Variants in SLC20A2 observed in about 807,000 individuals in gnomAD.
The protein encoded by SLC20A2 is solute carrier family 20 member 2, also known as sodium-dependent phosphate transporter 2.
In SLC20A2, 30 loss-of-function variants were observed where a neutral mutation model predicts 61.0. The observed-to-expected ratio is 0.49, with a 90% CI of 0.37 to 0.67. The LOEUF (loss-of-function observed/expected upper bound fraction) is 0.67, where lower values mean the gene tolerates loss of function less well. SLC20A2 is among the 30% of genes least tolerant of loss of function. The pLI is 0.00. For missense variants in SLC20A2, 626 were observed against 866.4 expected (o/e 0.72, Z 3.48); for synonymous variants, 351 against 353.3 (o/e 0.99, Z 0.07).
chr8:42,441,428 A>G (rs745825884), intron 6 of SLC20A2, among the ~76,000 whole-genome samples: 12 of 151,946 alleles, frequency 7.9e-5, no homozygotes, highest in South Asian at 4.2e-4. Context: ...CTGGGATTAC[A>G]GGCATGAGTC....
chr8:42,530,077 AGTAT>A (rs1305166338), intron 1 of SLC20A2, among the ~76,000 whole-genome samples: 1 of 152,144 alleles, frequency 6.6e-6, no homozygotes, highest in Non-Finnish European at 1.5e-5. Flanking sequence ...TCATGCAATG[AGTAT>A]GTGATTTTTT....
chr8:42,495,754 T>C (rs891744777), intron 1 of SLC20A2, among the ~76,000 whole-genome samples: 25 of 145,282 alleles, frequency 1.7e-4, no homozygotes, highest in South Asian at 4.4e-4. Flanking sequence ...CCCTCCCCCT[T>C]TTTTTTTTTT....
chr8:42,420,547 T>C (rs916456275), intron 10 of SLC20A2, among the ~76,000 whole-genome samples: 11 of 152,220 alleles, frequency 7.2e-5, no homozygotes, highest in Admixed American at 4.6e-4. Flanking sequence ...TCTAATTTTG[T>C]TTTTCTAGAC....
intron 2 of SLC20A2, 80 bp from the exon 3 acceptor site, chr8:42,465,997 C>A: frequency 8.0e-7 from 1 of 1,253,112 alleles, no homozygotes; most frequent in East Asian, 2.6e-5. Context: ...AAATGTTTTC[C>A]ATAACAACAT....
At position 42,477,464 on chromosome 8, in the gene SLC20A2, CTTTTTTTTTTTT is replaced by C. The variant is rs56302974; in HGVS notation, c.-264-4822_-264-4811del. ...TGACACATGTTGTGAGGGACAGGGA[CTTTTTTTTTTTT>C]TTTTTTTTTTTTGAGACCGAGTCTT... On this transcript the variant is annotated intron_variant, in intron 1 of 10. Transcript: ENST00000520262. Among the ~76,000 whole-genome samples, 224 of 50,324 alleles carry C rather than the reference CTTTTTTTTTTTT, an allele frequency of 4.5e-3. 1 individual carries two copies. Among genetic ancestry groups the C allele is most frequent in the Middle Eastern group, 0.016 (1 of 62 alleles). 33.0% of individuals were successfully genotyped at this position (50,324 alleles called of 152,430 possible).
intron 1 of SLC20A2, among the ~76,000 whole-genome samples, chr8:42,481,571 C>G (rs1808554300): frequency 1.3e-5 from 2 of 152,152 alleles, no homozygotes. Context: ...GGCTCTCACC[C>G]TTCAAAATTG....
chr8:42,516,438 C>T (rs1240381691), intron 1 of SLC20A2, among the ~76,000 whole-genome samples: 1 of 152,216 alleles, frequency 6.6e-6, no homozygotes, highest in Non-Finnish European at 1.5e-5. Context: ...GGAGCTCAGA[C>T]TTGTCCATGG....
intron 1 of SLC20A2, among the ~76,000 whole-genome samples, chr8:42,539,461 A>G (rs1322978812): frequency 6.6e-6 from 1 of 152,252 alleles, no homozygotes; most frequent in South Asian, 2.1e-4. Context: ...TACTGGACTC[A>G]ATACTAAGCA....
At chr8:42,512,327 C>A (rs552231315) in intron 1 of SLC20A2, among the ~76,000 whole-genome samples, 4 of 149,550 alleles carry the variant, frequency 2.7e-5, no homozygotes, top group Non-Finnish European at 5.9e-5. Context: ...GATTTCTTTA[C>A]GGCTTAAAAA....
intron 10 of SLC20A2, among the ~76,000 whole-genome samples, chr8:42,420,146 A>G (rs1299398906): frequency 6.6e-6 from 1 of 151,870 alleles, no homozygotes; most frequent in East Asian, 1.9e-4. Flanking sequence ...AGATGGCACC[A>G]CTGCACTCCA....
chr8:42,478,154 G>A (rs1808279048), intron 1 of SLC20A2, among the ~76,000 whole-genome samples: 2 of 151,370 alleles, frequency 1.3e-5, no homozygotes, highest in Non-Finnish European at 2.9e-5. Context: ...AAAGTGCTGG[G>A]ATCACAGGTG....
intron 5 of SLC20A2, among the ~76,000 whole-genome samples, chr8:42,454,679 C>T (rs1410611939): frequency 4.6e-5 from 7 of 151,298 alleles, no homozygotes; most frequent in Non-Finnish European, 7.4e-5. Flanking sequence ...TGCAGGGCCA[C>T]GATCATAGTT....
intron 6 of SLC20A2, among the ~76,000 whole-genome samples, chr8:42,440,634 A>G (rs1804700248): frequency 6.6e-6 from 1 of 152,172 alleles, no homozygotes; most frequent in African/African-American, 2.4e-5. Flanking sequence ...GGAAATATCT[A>G]GGAGTGGTTA....
chr8:42,427,018 T>C (rs1464285986), intron 10 of SLC20A2, among the ~76,000 whole-genome samples: 1 of 152,248 alleles, frequency 6.6e-6, no homozygotes, highest in Non-Finnish European at 1.5e-5. Flanking sequence ...GAATATGTGC[T>C]TCTCTGGTAA....
At position 42,488,947 on chromosome 8, in the gene SLC20A2, T is replaced by G. The variant is rs542006196; in HGVS notation, c.-265+12084A>C. On this transcript the variant is annotated intron_variant, in intron 1 of 10. Coordinates refer to ENST00000520262, the MANE Select transcript of SLC20A2 (RefSeq NM_001257180.2). ...TTATAGGAGTTTTGTTTTTTTTTTTTTTTTTTTTTTGAAATGGAGTCTTGC... is the reference window on the plus strand; with the variant it reads ...TTATAGGAGTTTTGTTTTTTTTTTTGTTTTTTTTTTGAAATGGAGTCTTGC... Among the ~76,000 whole-genome samples, 57 of 144,682 alleles carry G rather than the reference T, an allele frequency of 3.9e-4. 1 individual carries two copies. The highest frequency in any genetic ancestry group is 1.4e-3 in the African/African-American group (54 of 37,536). The allele number at this position is 144,682 out of a possible 152,430, so 94.9% of individuals were successfully genotyped here.
intron 5 of SLC20A2, among the ~76,000 whole-genome samples, chr8:42,451,661 AGAGGGGGAGGAAGAGATGAAGAG>A (rs1458956626): frequency 4.0e-5 from 4 of 99,290 alleles, no homozygotes; most frequent in Non-Finnish European, 8.0e-5. Flanking sequence ...AGGAAGAGAT[AGAGGGGGAGGAAGAGATGAAGAG>A]GAGGGGGAGG....
chr8:42,479,932 G>C lies in SLC20A2; in HGVS notation c.-264-7278C>G, dbSNP rs148397978. Among the ~76,000 whole-genome samples the C allele has an allele frequency of 2.0e-5, 3 of 152,324 alleles. No homozygotes were observed. The East Asian group carries it at 5.8e-4, about 29-fold the overall frequency. ...AATGAGGAGCACTCAGGGGGTATGG[G>C]TGCTCTTTATGACATCAGCCTCAAC... On this transcript the variant is annotated intron_variant, in intron 1 of 10. Coordinates refer to ENST00000520262, the MANE Select transcript of SLC20A2 (RefSeq NM_001257180.2).
At chr8:42,522,496 C>A (rs1300862215) in intron 1 of SLC20A2, among the ~76,000 whole-genome samples, 1 of 119,282 alleles carries the variant, frequency 8.4e-6, no homozygotes, top group African/African-American at 2.6e-5. Context: ...GCCTGGCCAA[C>A]ATGGTGAAAC....
At position 42,444,712 on chromosome 8, in the gene SLC20A2, C is replaced by A; in HGVS notation, c.664G>T (p.Val222Phe). 6.2e-7 allele frequency: 1 copy of A among 1,613,952 alleles called. No homozygotes were observed. Among genetic ancestry groups the A allele is most frequent in the Non-Finnish European group, 8.5e-7 (1 of 1,179,908 alleles). ...MWAIALISFG[V>F]ALLFAFFVWL... is the part of the protein sequence containing the mutation. ...ACAAAAAAAGCGAACAGGAGGGCGA[C>A]ACCAAAGGAAATGAGGGCTATGGCC... Residue 222 changes from valine (V) to phenylalanine (F), a missense_variant, in exon 6 of 11, where the codon GTC becomes TTC. By Grantham distance (50) the Val-to-Phe change is conservative. Transcript: ENST00000520262.
Sources: allele counts gnomAD v4.1 joint callset (sites outside exome capture counted in the v4.1 genomes callset), GRCh38; gene constraint gnomAD v4.1.1; transcripts MANE v1.5; gene names NCBI Gene and HGNC (gene_info 2026-07-23, HGNC 2026-07-21).